The following KLF12 variants were observed in gnomAD, a reference collection of about 807,000 sequenced individuals.
KLF12 encodes the protein KLF transcription factor 12.
Under a neutral mutation model 37.8 loss-of-function variants are expected in KLF12, and 9 were observed. That is an observed-to-expected ratio of 0.24 (90% CI 0.14 to 0.42). The LOEUF (loss-of-function observed/expected upper bound fraction) is 0.42. KLF12 is among the 10% of genes least tolerant of loss of function. The pLI is 1.00. For missense variants in KLF12, 411 were observed against 516.0 expected (o/e 0.80, Z 1.97); for synonymous variants, 208 against 202.1 (o/e 1.03, Z -0.25).
intron 7 of KLF12, among the ~76,000 whole-genome samples, chr13:73,698,073 C>T (rs1874274651): frequency 6.6e-6 from 1 of 151,872 alleles, no homozygotes; most frequent in African/African-American, 2.4e-5. Context: ...AGAAGAATTG[C>T]TTGAGTCCAG....
intron 2 of KLF12, among the ~76,000 whole-genome samples, chr13:73,984,615 A>C (rs1891775813): frequency 6.6e-6 from 1 of 152,150 alleles, no homozygotes; most frequent in African/African-American, 2.4e-5. Context: ...TCTGGCGCCA[A>C]ATATATAGAA....
intron 5 of KLF12, among the ~76,000 whole-genome samples, chr13:73,773,648 C>T (rs1880409110): frequency 2.0e-5 from 3 of 152,262 alleles, no homozygotes; most frequent in South Asian, 2.1e-4. Context: ...CCCCTAATCC[C>T]TTGGCTGCAC....
At chr13:73,861,250 G>C (rs1045171834) in intron 3 of KLF12, among the ~76,000 whole-genome samples, 1 of 152,006 alleles carries the variant, frequency 6.6e-6, no homozygotes, top group Admixed American at 6.6e-5. Flanking sequence ...CCCCATTCTT[G>C]TTAATTTTCC....
intron 1 of KLF12, among the ~76,000 whole-genome samples, chr13:74,031,399 G>A (rs1336896079): frequency 6.6e-6 from 1 of 152,010 alleles, no homozygotes; most frequent in African/African-American, 2.4e-5. Context: ...TTTGACAAGG[G>A]GGCAATCTCA....
At chr13:73,918,360 T>C (rs748931371) in intron 3 of KLF12, among the ~76,000 whole-genome samples, 2 of 152,204 alleles carry the variant, frequency 1.3e-5, no homozygotes, top group Admixed American at 6.5e-5. Flanking sequence ...CACTGAAATG[T>C]CTACAACTAT....
the KLF12 span, among the ~76,000 whole-genome samples, chr13:74,256,576 G>C: frequency 6.6e-6 from 1 of 152,154 alleles, no homozygotes; most frequent in East Asian, 1.9e-4. Flanking sequence ...ACCCACCAGC[G>C]AATCAGTAGG....
intron 1 of KLF12, among the ~76,000 whole-genome samples, chr13:74,012,736 G>A (rs146719925): frequency 6.6e-6 from 1 of 152,184 alleles, no homozygotes; most frequent in Admixed American, 6.5e-5. Flanking sequence ...ACAGGTAAAA[G>A]TGCTGAAAGA....
chr13:74,251,579 C>A, the KLF12 span, among the ~76,000 whole-genome samples: 2 of 152,142 alleles, frequency 1.3e-5, no homozygotes, highest in African/African-American at 2.4e-5. Context: ...CTGCTCCTTG[C>A]CACCTTACTC....
intron 1 of KLF12, among the ~76,000 whole-genome samples, chr13:73,996,942 T>A (rs1892137542): frequency 6.6e-6 from 1 of 151,712 alleles, no homozygotes; most frequent in Admixed American, 6.5e-5. Flanking sequence ...AAAAGTCAGA[T>A]AATGTCAAGG....
chr13:73,757,301 A>C (rs1879239923), intron 6 of KLF12, among the ~76,000 whole-genome samples: 1 of 152,146 alleles, frequency 6.6e-6, no homozygotes, highest in Non-Finnish European at 1.5e-5. Context: ...AACCTGTGTG[A>C]TTCTGAGTTG....
At chr13:74,105,928 C>G (rs1047935025) in intron 1 of KLF12, among the ~76,000 whole-genome samples, 1 of 152,136 alleles carries the variant, frequency 6.6e-6, no homozygotes, top group Non-Finnish European at 1.5e-5. Context: ...CTTAGTGTCA[C>G]CTCTTATTGT....
intron 6 of KLF12, among the ~76,000 whole-genome samples, chr13:73,755,942 T>C (rs1211388646): frequency 1.3e-5 from 2 of 152,190 alleles, no homozygotes; most frequent in African/African-American, 4.8e-5. Context: ...CATTCCTTTT[T>C]ATGGCTGAGC....
chr13:73,983,702 AT>A (rs370701237), intron 2 of KLF12, among the ~76,000 whole-genome samples: 74 of 152,208 alleles, frequency 4.9e-4, no homozygotes, highest in African/African-American at 1.5e-3. Flanking sequence ...TAAACTCTCA[AT>A]CACAAATCCC....
At chr13:74,288,797 G>A in the KLF12 span, among the ~76,000 whole-genome samples, 1 of 152,150 alleles carries the variant, frequency 6.6e-6, no homozygotes, top group Non-Finnish European at 1.5e-5. Flanking sequence ...GCAGGGTGGC[G>A]GCAGGGCCGG....
the KLF12 span, among the ~76,000 whole-genome samples, chr13:74,200,679 C>T: frequency 6.6e-6 from 1 of 152,140 alleles, no homozygotes; most frequent in Non-Finnish European, 1.5e-5. Context: ...ACATAGAGAT[C>T]ATCAGGACTG....
intron 1 of KLF12, among the ~76,000 whole-genome samples, chr13:74,082,045 C>T (rs1480383537): frequency 2.0e-5 from 3 of 151,596 alleles, no homozygotes; most frequent in African/African-American, 2.4e-5. Flanking sequence ...AAAATATTTT[C>T]GGCCAGGCAA....
chr13:73,955,095 T>C (rs1303912468), intron 2 of KLF12, among the ~76,000 whole-genome samples: 1 of 152,220 alleles, frequency 6.6e-6, no homozygotes, highest in African/African-American at 2.4e-5. Flanking sequence ...TTCTGCTTCA[T>C]ATAATTTTTT....
At chr13:74,183,239 C>G in the KLF12 span, among the ~76,000 whole-genome samples, 1 of 152,070 alleles carries the variant, frequency 6.6e-6, no homozygotes, top group Non-Finnish European at 1.5e-5. Flanking sequence ...AGTTTGTACT[C>G]TACAAGAGGA....
intron 2 of KLF12, among the ~76,000 whole-genome samples, chr13:73,975,547 C>T (rs1427106798): frequency 3.9e-5 from 6 of 152,162 alleles, no homozygotes; most frequent in Non-Finnish European, 5.9e-5. Context: ...CTTTATTTCT[C>T]GATCCAGTGC....
Sources: allele counts gnomAD v4.1 joint callset (sites outside exome capture counted in the v4.1 genomes callset), GRCh38; gene constraint gnomAD v4.1.1; transcripts MANE v1.5; gene names NCBI Gene and HGNC (gene_info 2026-07-23, HGNC 2026-07-21).